The following IRAK4 variants were observed in gnomAD, a reference collection of about 807,000 sequenced individuals.
IRAK4 encodes the protein interleukin-1 receptor-associated kinase 4.
IRAK4 carries 44 observed loss-of-function variants against 51.8 expected under a neutral mutation model. That is an observed-to-expected ratio of 0.85 (90% CI 0.67 to 1.09). The LOEUF is 1.09. IRAK4 is among the 50% of genes least tolerant of loss of function. The pLI is 0.00. For missense variants in IRAK4, 487 were observed against 538.0 expected, an observed-to-expected ratio of 0.91 and a Z score of 0.94; for synonymous variants, 149 against 174.1, an observed-to-expected ratio of 0.86 and a Z score of 1.13.
At chr12:43,770,342 T>C (rs1940617057) in intron 2 of IRAK4, among the ~76,000 whole-genome samples, 1 of 152,164 alleles carries the variant, frequency 6.6e-6, no homozygotes, top group Admixed American at 6.5e-5. Flanking sequence ...TATCAGAGTC[T>C]TAAGTCATGT....
In IRAK4 at chr12:43,768,257, AT is replaced by A. The variant is rs1315883092; in HGVS notation, c.147del (p.Gln50SerfsTer4). The stretch of plus-strand genomic sequence containing the variant: ...AAACCATCTGGTGATGATAGATACA[AT>A]CAGTTTCACATAAGGTAACAGATAA... ...IKKPSGDDRY[N>X]QFHIRRFEAL... On this transcript the variant is annotated frameshift_variant, in exon 2 of 12. Transcript: ENST00000613694. LOFTEE classifies it high-confidence loss of function. 6.2e-7 allele frequency: 1 copy of A among 1,610,552 alleles called. No homozygotes were observed.
rs1941467982 is a variant in IRAK4, at chr12:43,778,243, T to A, written c.882T>A (p.Gly294=). Residue 294 remains glycine (G), a synonymous_variant, in exon 8 of 12, where the codon GGT becomes GGA. Transcript: ENST00000613694. ...SWHMRCKIAQ[G]AANGINFLHE... ...ACATGAGATGCAAGATTGCTCAGGG[T>A]GCAGCTAATGGCATCAATTTTCTAC... 1.2e-6 allele frequency: 2 copies of A among 1,611,878 alleles called. No individual in the cohort carries two copies. Among genetic ancestry groups the A allele is most frequent in the East Asian group, 2.2e-5 (1 of 44,826 alleles).
At chr12:43,778,360 C>A in intron 8 of IRAK4, 58 bp downstream of exon 8, 1 of 928,896 alleles carries the variant, frequency 1.1e-6, no homozygotes, top group South Asian at 1.3e-5. Flanking sequence ...AATTTGCTGT[C>A]ACTCTATTCA....
chr12:43,775,081 C>T (rs4251483), intron 6 of IRAK4, among the ~76,000 whole-genome samples: 2,079 of 152,178 alleles, frequency 0.014, 51 homozygotes, highest in African/African-American at 0.048. Flanking sequence ...TGGGATTTAC[C>T]AAATTATACC....
rs1052144916 is a variant in IRAK4 at position 43,788,104 on chromosome 12, G to T, written c.*1389G>T. 2.0e-5 allele frequency: 3 copies of T among 151,994 alleles called. No individual in the cohort carries two copies. Among genetic ancestry groups the T allele is most frequent in the African/African-American group, 7.3e-5 (3 of 41,370 alleles). 9.4% of individuals were successfully genotyped at this position (151,994 alleles called of 1,614,324 possible). ...GTCACATTAAGCCTTTAAGTTTGTG[G>T]TAATTTATTATTCAGTAATAGAAAA... is the stretch of plus-strand genomic sequence containing the variant. On this transcript the variant is annotated 3_prime_UTR_variant, in exon 12 of 12. Transcript: ENST00000613694.
At chr12:43,783,468 C>T (rs547883821) in intron 9 of IRAK4, among the ~76,000 whole-genome samples, 194 bp from the exon 10 acceptor site, 1 of 152,018 alleles carries the variant, frequency 6.6e-6, no homozygotes, top group African/African-American at 2.4e-5. Context: ...CAGGTGTGTG[C>T]CACCACACCC....
In IRAK4 at chr12:43,787,291, A is replaced by G. The variant is rs1942280957; in HGVS notation, c.*576A>G. ...TTGTGTTCACAGCAATCATTTAACC[A>G]CAAATAAAATATCCCTTGATGATAC... On this transcript the variant is annotated 3_prime_UTR_variant, in exon 12 of 12. Transcript: ENST00000613694. 1 of 153,230 alleles carries G rather than the reference A, an allele frequency of 6.5e-6. No individual in the cohort carries two copies. The highest frequency in any genetic ancestry group is 6.5e-5 in the Admixed American group (1 of 15,446). The allele number at this position is 153,230 out of a possible 1,614,324, so 9.5% of individuals were successfully genotyped here.
chr12:43,767,052 C>T (rs1042416628), intron 1 of IRAK4, among the ~76,000 whole-genome samples: 1 of 152,128 alleles, frequency 6.6e-6, no homozygotes, highest in African/African-American at 2.4e-5. Context: ...TCGCTTTTTA[C>T]TCTTTTTGAT....
chr12:43,760,672 T>C (rs530721315), intron 1 of IRAK4, among the ~76,000 whole-genome samples: 13 of 152,242 alleles, frequency 8.5e-5, no homozygotes, highest in Middle Eastern at 3.2e-3. Context: ...AGTGGCTGGC[T>C]TTCTCCTTCT....
At chr12:43,766,839 G>A (rs1940200054) in intron 1 of IRAK4, among the ~76,000 whole-genome samples, 1 of 152,148 alleles carries the variant, frequency 6.6e-6, no homozygotes, top group Non-Finnish European at 1.5e-5. Context: ...AATAAAATTA[G>A]CATGGTCCTG....
At chr12:43,770,967 C>G (rs1291108839) in intron 2 of IRAK4, 1 of 639,916 alleles carries the variant, frequency 1.6e-6, no homozygotes, top group Non-Finnish European at 2.9e-6. Flanking sequence ...CTTTTTCTCT[C>G]TCTCTCTTTT....
At chr12:43,773,106 T>G in intron 5 of IRAK4, 34 bp downstream of exon 5, 1 of 1,592,162 alleles carries the variant, frequency 6.3e-7, no homozygotes, top group Non-Finnish European at 8.6e-7. Flanking sequence ...AAAGAAAGAG[T>G]TGCTTCATAG....
chr12:43,761,744 G>A (rs1265427960), intron 1 of IRAK4, among the ~76,000 whole-genome samples: 1 of 152,158 alleles, frequency 6.6e-6, no homozygotes, highest in East Asian at 1.9e-4. Context: ...TAACACATTT[G>A]ACAAGAATCT....
chr12:43,772,210 C>T lies in IRAK4; in HGVS notation c.338C>T (p.Pro113Leu). ...GTTCCCAAAACTGCTAATACACTACCTTCTAAAGAAGCTATAACAGTTCAG... is the reference window on the plus strand; with the variant it reads ...GTTCCCAAAACTGCTAATACACTACTTTCTAAAGAAGCTATAACAGTTCAG... ...DAVPKTANTL[P>L]SKEAITVQQK... The change falls in exon 4 of 12, where the codon CCT (proline) becomes CTT (leucine). Residue 113 changes from proline to leucine, a missense_variant. Physicochemically the swap from Pro to Leu is moderately conservative, Grantham distance 98. Coordinates refer to ENST00000613694, the MANE Select transcript of IRAK4 (RefSeq NM_016123.4). 1 of 1,613,604 alleles carries T rather than the reference C, an allele frequency of 6.2e-7. No individual in the cohort carries two copies. The highest frequency in any genetic ancestry group is 8.5e-7 in the Non-Finnish European group (1 of 1,179,820).
intron 1 of IRAK4, among the ~76,000 whole-genome samples, chr12:43,764,089 A>G (rs1209577647): frequency 2.0e-5 from 3 of 152,202 alleles, no homozygotes; most frequent in Non-Finnish European, 4.4e-5. Flanking sequence ...GTATGAGGGC[A>G]TTTCAAAAAG....
intron 1 of IRAK4, among the ~76,000 whole-genome samples, chr12:43,767,160 C>G (rs1940238904): frequency 6.6e-6 from 1 of 152,072 alleles, no homozygotes; most frequent in Admixed American, 6.6e-5. Context: ...AGAAGAATAT[C>G]TGAGTCTATT....
At chr12:43,774,370 G>A (rs1233861571) in intron 6 of IRAK4, among the ~76,000 whole-genome samples, 1 of 151,886 alleles carries the variant, frequency 6.6e-6, no homozygotes, top group African/African-American at 2.4e-5. Flanking sequence ...TCAGCCTCCC[G>A]AGTAGCTGGA....
chr12:43,778,107 G>C, intron 7 of IRAK4, 86 bp from the exon 8 acceptor site: 2 of 803,036 alleles, frequency 2.5e-6, no homozygotes, highest in South Asian at 3.0e-5. Context: ...TTCAGTTGTT[G>C]CCTAGAAAAA....
chr12:43,771,262 T>G lies in IRAK4; in HGVS notation c.204T>G (p.Ser68=). The G allele has an allele frequency of 1.2e-6, 2 of 1,614,042 alleles. No homozygotes were observed. Among genetic ancestry groups the G allele is most frequent in the Non-Finnish European group, 1.7e-6 (2 of 1,179,902 alleles). ...ALLQTGKSPT[S]ELLFDWGTTN... is the part of the protein sequence containing the mutation. ...TTCAAACTGGAAAAAGTCCCACTTC[T>G]GAATTACTGTTTGACTGGGGCACCA... Residue 68 remains serine (S), a synonymous_variant, in exon 3 of 12, where the codon TCT becomes TCG. Coordinates refer to ENST00000613694, the MANE Select transcript of IRAK4 (RefSeq NM_016123.4).
Sources: gnomAD v4.1 joint callset for allele counts (sites outside exome capture counted in the v4.1 genomes callset) on GRCh38, gnomAD v4.1.1 for gene constraint, MANE v1.5 for transcripts, NCBI Gene and HGNC (gene_info 2026-07-23, HGNC 2026-07-21) for gene names.